SYMPK: variants seen among roughly 807,000 people sequenced by gnomAD.
SYMPK encodes symplekin.
SYMPK carries 49 observed loss-of-function variants against 136.4 expected under a neutral mutation model. That is an observed-to-expected ratio of 0.36 (90% confidence interval 0.29 to 0.46). The LOEUF (loss-of-function observed/expected upper bound fraction) is 0.46. SYMPK is among the 20% of genes least tolerant of loss of function. The pLI is 1.00. For missense variants in SYMPK, 1,365 were observed against 1,690.0 expected (o/e 0.81, Z 3.37); for synonymous variants, 766 against 713.0 (o/e 1.07, Z -1.19).
At chr19:45,836,655 T>C (rs912710152) in intron 10 of SYMPK, among the ~76,000 whole-genome samples, 23 of 151,896 alleles carry the variant, frequency 1.5e-4, no homozygotes, top group African/African-American at 4.8e-4. Flanking sequence ...TTATTTTTCT[T>C]AGAGACAGGG....
chr19:45,852,238 C>G lies in SYMPK; in HGVS notation c.299+74G>C. 2 of 1,519,752 alleles carry G rather than the reference C, an allele frequency of 1.3e-6. 1 individual carries two copies. Among genetic ancestry groups the G allele is most frequent in the South Asian group, 2.2e-5 (2 of 89,188 alleles). The allele number at this position is 1,519,752 out of a possible 1,614,324, so 94.1% of individuals were successfully genotyped here. On this transcript the variant is annotated intron_variant, in intron 5 of 26. Coordinates refer to ENST00000245934, the MANE Select transcript of SYMPK (RefSeq NM_004819.3). ...CAGAGGGCAGGCCTCTCAGTGGTGG[C>G]CTCCAGGCCAGGCCACGAGCTGAAG...
intron 23 of SYMPK, 105 bp from the exon 24 acceptor site, chr19:45,817,079 T>C (rs903661139): frequency 5.1e-6 from 6 of 1,186,632 alleles, no homozygotes; most frequent in Non-Finnish European, 7.0e-6. Context: ...AATCCCACCA[T>C]CCAAGATTCC....
intron 17 of SYMPK, 149 bp from the exon 18 acceptor site, chr19:45,825,480 T>A: frequency 1.0e-6 from 1 of 993,764 alleles, no homozygotes; most frequent in Admixed American, 2.9e-5. Flanking sequence ...GGCAGGGAAA[T>A]GGCGGGGACC....
chr19:45,828,133 T>C, intron 14 of SYMPK: 1 of 535,290 alleles, frequency 1.9e-6, no homozygotes, highest in Non-Finnish European at 3.4e-6. Flanking sequence ...GAAACTCATT[T>C]CTTCCGTTTG....
intron 1 of SYMPK, 73 bp from the exon 2 acceptor site, chr19:45,854,580 G>C: frequency 1.6e-6 from 2 of 1,267,832 alleles, no homozygotes; most frequent in Non-Finnish European, 2.2e-6. Flanking sequence ...ATTGTCACCC[G>C]AACACCTACA....
chr19:45,832,885 C>A (rs959537478), intron 11 of SYMPK, among the ~76,000 whole-genome samples: 1 of 149,720 alleles, frequency 6.7e-6, no homozygotes, highest in Non-Finnish European at 1.5e-5. Context: ...ATCAGCCAGG[C>A]ATGGTGGCAC....
intron 19 of SYMPK, 50 bp from the exon 20 acceptor site, chr19:45,823,522 G>A: frequency 6.5e-7 from 1 of 1,549,942 alleles, no homozygotes; most frequent in Non-Finnish European, 8.9e-7. Flanking sequence ...GGGGAGCGTG[G>A]GAAAGGGTGG....
chr19:45,843,595 C>A (rs898691936), intron 8 of SYMPK, among the ~76,000 whole-genome samples: 18 of 152,198 alleles, frequency 1.2e-4, no homozygotes, highest in Non-Finnish European at 2.4e-4. Context: ...GAATCTCAGG[C>A]CTGCCAGATG....
chr19:45,850,346 A>G (rs1244352192), intron 5 of SYMPK, among the ~76,000 whole-genome samples: 1 of 152,248 alleles, frequency 6.6e-6, no homozygotes, highest in Non-Finnish European at 1.5e-5. Context: ...CTCTTCAGTT[A>G]AAGGGTCAAA....
Position 45,816,875 on chromosome 19 carries a change from G to A in SYMPK, c.3181C>T (p.Leu1061=). 6.4e-7 allele frequency: 1 copy of A among 1,550,608 alleles called. No homozygotes were observed. The highest frequency in any genetic ancestry group is 1.2e-5 in the South Asian group (1 of 84,082). The change falls in exon 24 of 27, where the codon CTG becomes TTG. Residue 1061 remains leucine (L), a synonymous_variant. Coordinates refer to ENST00000245934, the MANE Select transcript of SYMPK (RefSeq NM_004819.3). ...GGGCACTTGTCAAAGACGGCTCCCA[G>A]CTGCTGGGGCGGCAGCTGCAGGATG... ...QVILQLPPQQ[L]GAVFDKCPEL... is the part of the protein sequence containing the mutation.
At chr19:45,857,334 C>T (rs1056502980) in intron 1 of SYMPK, among the ~76,000 whole-genome samples, 42 of 136,634 alleles carry the variant, frequency 3.1e-4, no homozygotes, top group Non-Finnish European at 5.5e-4. Flanking sequence ...GGCATGAACC[C>T]GGGAAGCGGA....
rs1206130812 is a variant in SYMPK at position 45,816,817 on chromosome 19, C to T, written c.3239G>A (p.Arg1080His). 18 of 1,538,878 alleles carry T rather than the reference C, an allele frequency of 1.2e-5. No homozygotes were observed. The highest frequency in any genetic ancestry group is 6.3e-5 in the Admixed American group (3 of 47,856). ...ELREPLLAHV[R>H]SFTPHQQAHI... ...GGGTACCTGGTGGGGGGTGAAGGAG[C>T]GGACATGGGCCAGCAGGGGCTCCCG... Residue 1080 changes from arginine (R) to histidine (H), a missense_variant, in exon 24 of 27, where the codon CGC (arginine) becomes CAC (histidine). Arg to His is a conservative substitution (Grantham distance 29). This residue lies in a region of SYMPK where 341 missense variants were observed against 270.5 expected (regional missense o/e 1.26). Transcript: ENST00000245934.
intron 12 of SYMPK, chr19:45,830,837 T>A (rs891320122): frequency 6.6e-6 from 1 of 151,758 alleles, no homozygotes; most frequent in Non-Finnish European, 1.5e-5. Flanking sequence ...TGCAGTGAGC[T>A]GAGATCGCGC....
At chr19:45,848,549 G>T (rs16980057) in intron 6 of SYMPK, among the ~76,000 whole-genome samples, 1,626 of 152,288 alleles carry the variant, frequency 0.011, 32 homozygotes, top group African/African-American at 0.038. Flanking sequence ...TAAACGGATG[G>T]TCAATGGAAG....
intron 1 of SYMPK, among the ~76,000 whole-genome samples, chr19:45,856,946 GT>G (rs142286497): frequency 0.14 from 21,658 of 151,748 alleles, 1,619 homozygotes; most frequent in South Asian, 0.18. Flanking sequence ...GAGAAACACT[GT>G]TCCCTACTAA....
Position 45,852,323 on chromosome 19 carries a change from G to A in SYMPK, c.288C>T (p.Ile96=), listed in dbSNP as rs371606879. The A allele has an allele frequency of 6.2e-6, 10 of 1,614,116 alleles. No individual in the cohort carries two copies. The African/African-American group carries it at 8.0e-5, about 13-fold the overall frequency. The change falls in exon 5 of 27, where the codon ATC becomes ATT. Residue 96 remains isoleucine (I), a synonymous_variant. Coordinates refer to ENST00000245934, the MANE Select transcript of SYMPK (RefSeq NM_004819.3). ...GCCTCGCCCCATACCATGCCTCCTC[G>A]ATGAAGCCGATGACAAATTTTCGCA... ...IEVRKFVIGF[I]EEACKRDIEL... is the part of the protein sequence containing the mutation.
chr19:45,834,220 G>C (rs771645373), intron 11 of SYMPK, among the ~76,000 whole-genome samples: 1 of 150,060 alleles, frequency 6.7e-6, no homozygotes, highest in African/African-American at 2.5e-5. Flanking sequence ...CCCGAGAAGC[G>C]GAGCTTGCAG....
chr19:45,842,706 C>T (rs1971471894), intron 8 of SYMPK: 2 of 583,578 alleles, frequency 3.4e-6, no homozygotes, highest in South Asian at 2.4e-5. Flanking sequence ...GAGAAAAACT[C>T]ACCCTCTCTT....
chr19:45,834,709 C>G (rs1027355059), intron 11 of SYMPK, among the ~76,000 whole-genome samples: 1 of 152,144 alleles, frequency 6.6e-6, no homozygotes, highest in African/African-American at 2.4e-5. Context: ...GGTGTGTTCA[C>G]TTTGTGAAAA....
Sources: gnomAD v4.1 joint callset for allele counts (sites outside exome capture counted in the v4.1 genomes callset) on GRCh38, gnomAD v4.1.1 for gene constraint, gnomAD v4.1.1 regional missense constraint, MANE v1.5 for transcripts, NCBI Gene and HGNC (gene_info 2026-07-23, HGNC 2026-07-21) for gene names.